The following ACBD6 variants were observed in gnomAD, a reference collection of about 807,000 sequenced individuals.
ACBD6 encodes acyl-CoA binding domain containing 6, also known as acyl-CoA-binding domain-containing protein 6.
A neutral mutation model predicts 37.2 loss-of-function variants in ACBD6; 28 were observed. That is an observed-to-expected ratio of 0.75 (90% CI 0.56 to 1.03). The LOEUF is 1.03. ACBD6 is among the 50% of genes least tolerant of loss of function. The pLI is 0.00. For missense variants in ACBD6, 340 were observed against 337.4 expected, an observed-to-expected ratio of 1.01 and a Z score of -0.06; for synonymous variants, 113 against 126.8, an observed-to-expected ratio of 0.89 and a Z score of 0.73.
intron 6 of ACBD6, among the ~76,000 whole-genome samples, chr1:180,326,970 C>T (rs1288778082): frequency 6.6e-6 from 1 of 152,084 alleles, no homozygotes; most frequent in Non-Finnish European, 1.5e-5. Flanking sequence ...TCTTCTCAAA[C>T]AGAAGGAAGG....
intron 7 of ACBD6, among the ~76,000 whole-genome samples, chr1:180,295,520 T>C (rs537459168): frequency 6.6e-6 from 1 of 152,338 alleles, no homozygotes; most frequent in East Asian, 1.9e-4. Context: ...AATGCATTTT[T>C]TTTTTCAAAT....
chr1:180,407,599 T>C (rs1408602950), intron 5 of ACBD6, among the ~76,000 whole-genome samples: 2 of 152,224 alleles, frequency 1.3e-5, no homozygotes, highest in African/African-American at 2.4e-5. Context: ...TGACAACTGC[T>C]TATCCTTCTT....
At chr1:180,336,682 T>C (rs575392075) in intron 6 of ACBD6, among the ~76,000 whole-genome samples, 77 of 150,452 alleles carry the variant, frequency 5.1e-4, no homozygotes, top group African/African-American at 1.8e-3. Flanking sequence ...CTGAAGGAGA[T>C]AGAGACACAA....
At chr1:180,353,371 C>G (rs192836437) in intron 6 of ACBD6, among the ~76,000 whole-genome samples, 1 of 152,074 alleles carries the variant, frequency 6.6e-6, no homozygotes, top group Non-Finnish European at 1.5e-5. Flanking sequence ...AGATGTTTTA[C>G]TCTGTGATAG....
chr1:180,308,910 T>A (rs1414876763), intron 7 of ACBD6, among the ~76,000 whole-genome samples: 3 of 152,230 alleles, frequency 2.0e-5, no homozygotes, highest in Non-Finnish European at 4.4e-5. Flanking sequence ...CATTCAAATA[T>A]TTGTTGAATG....
intron 3 of ACBD6, among the ~76,000 whole-genome samples, chr1:180,453,127 A>T (rs1489646468): frequency 6.6e-6 from 1 of 152,258 alleles, no homozygotes; most frequent in Non-Finnish European, 1.5e-5. Context: ...AGAAAATTTC[A>T]GGCCAGTATC....
intron 2 of ACBD6, among the ~76,000 whole-genome samples, chr1:180,493,782 T>G (rs1056598572): frequency 6.6e-6 from 1 of 152,190 alleles, no homozygotes; most frequent in Non-Finnish European, 1.5e-5. Context: ...CACACAGCAT[T>G]GAGTTTCATG....
At chr1:180,315,593 C>A (rs1400671758) in intron 6 of ACBD6, among the ~76,000 whole-genome samples, 1 of 152,050 alleles carries the variant, frequency 6.6e-6, no homozygotes, top group Non-Finnish European at 1.5e-5. Flanking sequence ...TCTTGGGTAC[C>A]CATATCTGCT....
intron 2 of ACBD6, 147 bp from the exon 3 acceptor site, chr1:180,492,512 G>C: frequency 1.4e-6 from 1 of 704,172 alleles, no homozygotes; most frequent in African/African-American, 1.8e-5. Flanking sequence ...CTGTCTTTTT[G>C]CATTTACATT....
intron 5 of ACBD6, among the ~76,000 whole-genome samples, chr1:180,402,054 T>C (rs1191182240): frequency 6.6e-6 from 1 of 152,130 alleles, no homozygotes; most frequent in African/African-American, 2.4e-5. Context: ...TGAATTTCTC[T>C]CTGCAAAAAA....
At chr1:180,468,175 T>C (rs1650422381) in intron 3 of ACBD6, among the ~76,000 whole-genome samples, 1 of 152,190 alleles carries the variant, frequency 6.6e-6, no homozygotes, top group Non-Finnish European at 1.5e-5. Flanking sequence ...AAAGGAATCA[T>C]CTGCCAGTCT....
chr1:180,467,448 C>CAAAAAAAAAAAAAAAAAAAAAAAA (rs57941230), intron 3 of ACBD6, among the ~76,000 whole-genome samples: 14 of 72,538 alleles, frequency 1.9e-4, no homozygotes, highest in Non-Finnish European at 2.9e-4. Flanking sequence ...TCCATCTCTG[C>CAAAAAAAAAAAAAAAAAAAAAAAA]AAAAAAAAAA....
Position 180,304,454 on chromosome 1 carries a change from A to G in ACBD6, c.694+10238T>C, listed in dbSNP as rs867930997. On this transcript the variant is annotated intron_variant, in intron 7 of 7. Coordinates refer to ENST00000367595, the MANE Select transcript of ACBD6 (RefSeq NM_032360.4). ...GTGCAAAAATCACAAGCATTCTTAT[A>G]CAACAATAACAGACAGAGAGCCAAA... 3.3e-5 allele frequency among the ~76,000 whole-genome samples: 5 copies of G among 150,904 alleles called. 1 individual carries two copies. The highest frequency in any genetic ancestry group is 1.2e-4 in the African/African-American group (5 of 41,356).
At chr1:180,474,087 T>C (rs948484833) in intron 3 of ACBD6, among the ~76,000 whole-genome samples, 2 of 152,182 alleles carry the variant, frequency 1.3e-5, no homozygotes, top group African/African-American at 2.4e-5. Flanking sequence ...TTCAAAATAC[T>C]TCCAAAGACT....
At chr1:180,340,809 A>G (rs1651950276) in intron 6 of ACBD6, among the ~76,000 whole-genome samples, 1 of 152,098 alleles carries the variant, frequency 6.6e-6, no homozygotes, top group African/African-American at 2.4e-5. Context: ...GTAAGTCAGT[A>G]GATATGGTAG....
intron 6 of ACBD6, among the ~76,000 whole-genome samples, chr1:180,388,750 T>C (rs961119133): frequency 1.3e-5 from 2 of 152,122 alleles, no homozygotes; most frequent in Non-Finnish European, 2.9e-5. Flanking sequence ...CAAAAATTAA[T>C]TGTATCTCTA....
chr1:180,338,248 A>G (rs1313195706), intron 6 of ACBD6, among the ~76,000 whole-genome samples: 1 of 152,228 alleles, frequency 6.6e-6, no homozygotes, highest in Non-Finnish European at 1.5e-5. Flanking sequence ...AAAAGAACAA[A>G]GCTGGAGGAA....
intron 6 of ACBD6, among the ~76,000 whole-genome samples, chr1:180,321,296 A>G (rs1479659727): frequency 6.6e-6 from 1 of 152,126 alleles, no homozygotes; most frequent in East Asian, 1.9e-4. Context: ...TTCCATATAA[A>G]TTTTAGGATT....
chr1:180,348,444 G>A lies in ACBD6; in HGVS notation c.664-33722C>T, dbSNP rs202167329. ...GCATGTTGAGGCAGGAAGAAGTGTAGGATCAGGAGAACTGAGGAAATGGGA... is the reference window on the plus strand; with the variant it reads ...GCATGTTGAGGCAGGAAGAAGTGTAAGATCAGGAGAACTGAGGAAATGGGA... On this transcript the variant is annotated intron_variant, in intron 6 of 7. Coordinates refer to ENST00000367595, the MANE Select transcript of ACBD6 (RefSeq NM_032360.4). 3.9e-5 allele frequency among the ~76,000 whole-genome samples: 6 copies of A among 152,172 alleles called. No homozygotes were observed. In the East Asian group the frequency reaches 1.2e-3, roughly 29 times the overall value.
Sources: gnomAD v4.1 joint callset for allele counts (sites outside exome capture counted in the v4.1 genomes callset) on GRCh38, gnomAD v4.1.1 for gene constraint, MANE v1.5 for transcripts, NCBI Gene and HGNC (gene_info 2026-07-23, HGNC 2026-07-21) for gene names.